The following JAK2 variants were observed in gnomAD, a reference collection of about 807,000 sequenced individuals.
JAK2 encodes tyrosine-protein kinase JAK2.
In JAK2, 86 loss-of-function variants were observed where a neutral mutation model predicts 139.3. That is an observed-to-expected ratio of 0.62 (90% CI 0.52 to 0.74). The LOEUF is 0.74. JAK2 is among the 30% of genes least tolerant of loss of function. The pLI, the probability that JAK2 is intolerant of heterozygous loss-of-function variation, is 0.00. For missense variants in JAK2, 1,421 were observed against 1,360.3 expected, an observed-to-expected ratio of 1.04 and a Z score of -0.70; for synonymous variants, 490 against 437.7, an observed-to-expected ratio of 1.12 and a Z score of -1.49.
chr9:5,057,526 TA>T (rs1817848433), intron 8 of JAK2, among the ~76,000 whole-genome samples: 1 of 151,344 alleles, frequency 6.6e-6, no homozygotes, highest in Admixed American at 6.6e-5. Context: ...ACCCATTAAA[TA>T]AAAACTCACC....
At chr9:5,116,337 T>A (rs958162603) in intron 22 of JAK2, among the ~76,000 whole-genome samples, 2 of 152,210 alleles carry the variant, frequency 1.3e-5, no homozygotes, top group African/African-American at 4.8e-5. Context: ...GTTCTCTAAT[T>A]TGGGTAGGTT....
intron 2 of JAK2, among the ~76,000 whole-genome samples, chr9:5,016,501 C>G (rs1563928082): frequency 6.6e-6 from 1 of 152,038 alleles, no homozygotes; most frequent in Admixed American, 6.6e-5. Flanking sequence ...AAATAGTCAA[C>G]AAAATTAAAA....
chr9:5,029,739 C>G (rs760494411), intron 3 of JAK2, 44 bp from the exon 4 acceptor site: 8 of 1,506,218 alleles, frequency 5.3e-6, no homozygotes, highest in Non-Finnish European at 6.3e-6. Context: ...TAAAAATATT[C>G]TGTTGTGTAC....
At chr9:5,024,692 A>G (rs1340221869) in intron 3 of JAK2, among the ~76,000 whole-genome samples, 1 of 152,164 alleles carries the variant, frequency 6.6e-6, no homozygotes. Context: ...CCTCTGCCCC[A>G]GATAGCAACA....
chr9:5,028,439 G>A (rs934153070), intron 3 of JAK2, among the ~76,000 whole-genome samples: 1 of 152,172 alleles, frequency 6.6e-6, no homozygotes, highest in Non-Finnish European at 1.5e-5. Flanking sequence ...GTTCTTAATG[G>A]CCATAGATTT....
At chr9:5,112,422 GCGGCTGA>G (rs1822681039) in intron 22 of JAK2, 3 of 495,418 alleles carry the variant, frequency 6.1e-6, no homozygotes, top group Admixed American at 2.9e-5. Flanking sequence ...GAACACGTCG[GCGGCTGA>G]CCACTCAAGA....
At chr9:5,053,411 T>C (rs1817556944) in intron 6 of JAK2, among the ~76,000 whole-genome samples, 1 of 152,110 alleles carries the variant, frequency 6.6e-6, no homozygotes, top group Non-Finnish European at 1.5e-5. Context: ...TTTGCCATTA[T>C]TTCCTCCCAT....
chr9:5,079,642 TA>T (rs112738608), intron 16 of JAK2, among the ~76,000 whole-genome samples: 55 of 147,342 alleles, frequency 3.7e-4, no homozygotes, highest in Admixed American at 3.5e-3. Flanking sequence ...ATAAACTATA[TA>T]AAAAAAAAAG....
Position 5,069,146 on chromosome 9 carries a change from A to G in JAK2, c.1451A>G (p.Glu484Gly), listed in dbSNP as rs750433642. ...GATCTTTTGAATTGTTACCAGATGGAAACTGTTCGCTCAGACAATATAATT... is the reference window on the plus strand; with the variant it reads ...GATCTTTTGAATTGTTACCAGATGGGAACTGTTCGCTCAGACAATATAATT... ...LKDLLNCYQM[E>G]TVRSDNIIFQ... The change falls in exon 11 of 25, where the codon GAA becomes GGA. Residue 484 changes from glutamate (E) to glycine (G), a missense_variant. Transcript: ENST00000381652. The G allele has an allele frequency of 6.8e-6, 11 of 1,613,220 alleles. No homozygotes were observed. In the Admixed American group the frequency reaches 1.8e-4, roughly 27 times the overall value.
chr9:4,990,787 C>T (rs758340346), intron 2 of JAK2, among the ~76,000 whole-genome samples: 10 of 152,240 alleles, frequency 6.6e-5, no homozygotes, highest in Admixed American at 1.3e-4. Context: ...ACTTTCCCTA[C>T]GTGGAAATAA....
At chr9:5,032,321 G>A (rs1823222270) in intron 4 of JAK2, among the ~76,000 whole-genome samples, 1 of 152,230 alleles carries the variant, frequency 6.6e-6, no homozygotes, top group South Asian at 2.1e-4. Flanking sequence ...CACCTCTGGG[G>A]GCAGGGCATA....
chr9:5,115,860 C>G (rs7470337), intron 22 of JAK2, among the ~76,000 whole-genome samples: 58,440 of 151,808 alleles, frequency 0.38, 12,831 homozygotes, highest in African/African-American at 0.62. Flanking sequence ...TGAACAATGA[C>G]AACATATGGA....
At chr9:5,022,331 C>T (rs1280646196) in intron 3 of JAK2, 118 bp downstream of exon 3, 39 of 618,308 alleles carry the variant, frequency 6.3e-5, no homozygotes, top group South Asian at 1.3e-4. Flanking sequence ...GTATGGCTGG[C>T]GTGTGTGTTT....
chr9:4,998,833 C>T (rs1820752586), intron 2 of JAK2, among the ~76,000 whole-genome samples: 1 of 151,784 alleles, frequency 6.6e-6, no homozygotes. Flanking sequence ...TCAGTTTTCT[C>T]AGGAGTTCTT....
At chr9:5,033,736 G>A (rs1823344470) in intron 4 of JAK2, among the ~76,000 whole-genome samples, 2 of 152,146 alleles carry the variant, frequency 1.3e-5, no homozygotes, top group Admixed American at 1.3e-4. Context: ...AGCTCCTGAA[G>A]GAAGCACTAA....
intron 2 of JAK2, among the ~76,000 whole-genome samples, chr9:5,016,466 A>G (rs757144044): frequency 5.8e-4 from 89 of 152,336 alleles, no homozygotes; most frequent in Non-Finnish European, 1.0e-3. Flanking sequence ...ATTGCAAAAT[A>G]TATGAAGAAA....
chr9:5,038,051 C>A (rs1563945757), intron 4 of JAK2, among the ~76,000 whole-genome samples: 3 of 152,090 alleles, frequency 2.0e-5, no homozygotes, highest in African/African-American at 7.2e-5. Context: ...TACAACTATT[C>A]ATTATTCTTA....
chr9:5,075,264 T>C (rs1424737614), intron 14 of JAK2, among the ~76,000 whole-genome samples: 4 of 152,312 alleles, frequency 2.6e-5, no homozygotes, highest in East Asian at 3.9e-4. Context: ...GCAAGGACCA[T>C]TGATGAAGAT....
intron 22 of JAK2, chr9:5,098,156 C>T (rs1821169957): frequency 6.6e-6 from 1 of 152,118 alleles, no homozygotes; most frequent in South Asian, 2.1e-4. Flanking sequence ...TGGCTGTCCA[C>T]CACCTTACCA....
Sources: gnomAD v4.1 joint callset for allele counts (sites outside exome capture counted in the v4.1 genomes callset) on GRCh38, gnomAD v4.1.1 for gene constraint, MANE v1.5 for transcripts, NCBI Gene and HGNC (gene_info 2026-07-23, HGNC 2026-07-21) for gene names.